The following GMDS variants were observed in gnomAD, a reference collection of about 807,000 sequenced individuals.
The protein encoded by GMDS is GDP-mannose 4,6-dehydratase, also known as GDP-mannose 4,6 dehydratase.
GMDS carries 20 observed loss-of-function variants against 49.9 expected under a neutral mutation model. The ratio of observed to expected loss-of-function variants is 0.40; its 90% CI spans 0.28 to 0.58. GMDS has a LOEUF of 0.58. GMDS is among the 20% of genes least tolerant of loss of function. The pLI is 0.42. For synonymous variants in GMDS, 177 were observed against 178.6 expected, an observed-to-expected ratio of 0.99 and a Z score of 0.07; for missense variants, 362 against 481.4, an observed-to-expected ratio of 0.75 and a Z score of 2.32.
At chr6:2,061,922 A>T (rs182885158) in intron 4 of GMDS, among the ~76,000 whole-genome samples, 3 of 152,262 alleles carry the variant, frequency 2.0e-5, no homozygotes, top group Admixed American at 2.0e-4. Flanking sequence ...CATTAAAAGG[A>T]TTCAAATGTT....
At chr6:1,683,899 A>T (rs2113315541) in intron 9 of GMDS, among the ~76,000 whole-genome samples, 1 of 152,212 alleles carries the variant, frequency 6.6e-6, no homozygotes, top group African/African-American at 2.4e-5. Context: ...TAATAGAAAG[A>T]GGGTGGGTTT....
intron 4 of GMDS, among the ~76,000 whole-genome samples, chr6:2,060,777 C>G (rs1168502869): frequency 6.6e-6 from 1 of 152,122 alleles, no homozygotes; most frequent in Non-Finnish European, 1.5e-5. Flanking sequence ...CACCTGTAAT[C>G]CCAGCACTTT....
At chr6:2,084,506 C>A (rs961766325) in intron 4 of GMDS, among the ~76,000 whole-genome samples, 14 of 151,112 alleles carry the variant, frequency 9.3e-5, no homozygotes, top group African/African-American at 3.2e-4. Flanking sequence ...AAATAAAACT[C>A]TTTTTTTTTC....
At chr6:2,008,350 T>C (rs1767329624) in intron 4 of GMDS, among the ~76,000 whole-genome samples, 1 of 152,250 alleles carries the variant, frequency 6.6e-6, no homozygotes, top group Middle Eastern at 3.2e-3. Context: ...GATTTATACA[T>C]ATTTAAACCA....
At chr6:2,096,960 A>G (rs767863580) in intron 4 of GMDS, among the ~76,000 whole-genome samples, 34 of 152,332 alleles carry the variant, frequency 2.2e-4, no homozygotes, top group African/African-American at 7.5e-4. Flanking sequence ...TAAGAGTCAA[A>G]GAATAGTTGT....
intron 4 of GMDS, among the ~76,000 whole-genome samples, chr6:2,100,220 AT>A (rs1490842669): frequency 1.3e-5 from 2 of 152,256 alleles, no homozygotes; most frequent in African/African-American, 4.8e-5. Context: ...CCAATCAAAA[AT>A]ATAAATCAAT....
Position 1,810,520 on chromosome 6 carries a change from T to TGCCTCCTC in GMDS, c.772-67935_772-67934insGAGGAGGC, listed in dbSNP as rs1770372827. Among the ~76,000 whole-genome samples the TGCCTCCTC allele has an allele frequency of 5.9e-5, 9 of 152,098 alleles. No individual in the cohort carries two copies. In the South Asian group the frequency reaches 1.9e-3, roughly 32 times the overall value. On this transcript the variant is annotated intron_variant, in intron 7 of 10. Coordinates refer to ENST00000380815, the MANE Select transcript of GMDS (RefSeq NM_001500.4). ...CTGGTCTCGAACTCTTGACCTCAGG[T>TGCCTCCTC]GATCCACCTGCCTCGGCCTCCCAGA...
chr6:1,916,540 A>G (rs1017046124), intron 7 of GMDS, among the ~76,000 whole-genome samples: 1 of 152,032 alleles, frequency 6.6e-6, no homozygotes, highest in African/African-American at 2.4e-5. Context: ...GAGTGAAAGA[A>G]AGAGAGAGAG....
At chr6:2,189,204 G>A (rs1000530316) in intron 1 of GMDS, among the ~76,000 whole-genome samples, 2 of 152,116 alleles carry the variant, frequency 1.3e-5, no homozygotes, top group African/African-American at 4.8e-5. Context: ...AGGGAAAAAA[G>A]GGAGCAGAAA....
At chr6:1,728,726 T>A (rs1042327087) in intron 8 of GMDS, among the ~76,000 whole-genome samples, 1 of 152,214 alleles carries the variant, frequency 6.6e-6, no homozygotes, top group African/African-American at 2.4e-5. Context: ...CTGAGGGGTC[T>A]TTAGACTTTG....
At chr6:2,145,676 C>G (rs1776520487) in intron 1 of GMDS, among the ~76,000 whole-genome samples, 2 of 152,046 alleles carry the variant, frequency 1.3e-5, no homozygotes, top group African/African-American at 2.4e-5. Flanking sequence ...AACAGCAATG[C>G]CACATTTAAA....
At chr6:1,998,154 A>G (rs1766413229) in intron 4 of GMDS, among the ~76,000 whole-genome samples, 2 of 152,204 alleles carry the variant, frequency 1.3e-5, no homozygotes, top group Admixed American at 1.3e-4. Flanking sequence ...AGGAAAAATA[A>G]TGAAAGAACA....
intron 6 of GMDS, among the ~76,000 whole-genome samples, chr6:1,936,099 C>T (rs557342057): frequency 6.6e-6 from 1 of 152,290 alleles, no homozygotes; most frequent in Non-Finnish European, 1.5e-5. Context: ...CCGTGTCTAA[C>T]ACACTATGTT....
chr6:1,995,409 T>C (rs1766215679), intron 4 of GMDS, among the ~76,000 whole-genome samples: 1 of 152,058 alleles, frequency 6.6e-6, no homozygotes, highest in Non-Finnish European at 1.5e-5. Context: ...AAGGAGAAGA[T>C]GGGAAGCAAA....
At chr6:1,911,321 C>A (rs941047357) in intron 7 of GMDS, among the ~76,000 whole-genome samples, 4 of 152,130 alleles carry the variant, frequency 2.6e-5, no homozygotes. Flanking sequence ...TCCCAAAACA[C>A]CTACAACTGA....
At chr6:2,210,738 C>G (rs1027413096) in intron 1 of GMDS, among the ~76,000 whole-genome samples, 3 of 152,220 alleles carry the variant, frequency 2.0e-5, no homozygotes, top group Non-Finnish European at 4.4e-5. Context: ...AGGGTCTACA[C>G]CCACCCTCTG....
chr6:1,649,212 A>G (rs1433844828), intron 9 of GMDS, among the ~76,000 whole-genome samples: 1 of 152,196 alleles, frequency 6.6e-6, no homozygotes, highest in Non-Finnish European at 1.5e-5. Context: ...ACTGTCAGGA[A>G]GTAAGCTTGG....
intron 1 of GMDS, among the ~76,000 whole-genome samples, chr6:2,192,114 A>G (rs574414176): frequency 8.3e-4 from 127 of 152,254 alleles, no homozygotes; most frequent in African/African-American, 3.0e-3. Context: ...CAAGCTGCCT[A>G]CAGAGAGAAG....
intron 9 of GMDS, chr6:1,626,249 T>C (rs1395016959): frequency 6.6e-6 from 1 of 152,236 alleles, no homozygotes; most frequent in Non-Finnish European, 1.5e-5. Context: ...CACTACTTTT[T>C]CAAACGCTTT....
Sources: allele counts gnomAD v4.1 joint callset (sites outside exome capture counted in the v4.1 genomes callset), GRCh38; gene constraint gnomAD v4.1.1; transcripts MANE v1.5; gene names NCBI Gene and HGNC (gene_info 2026-07-23, HGNC 2026-07-21).